Variants in INTS4 observed in about 807,000 individuals in gnomAD.
INTS4 encodes the protein MSTP093.
A neutral mutation model predicts 119.5 loss-of-function variants in INTS4; 70 were observed. That is an observed-to-expected ratio of 0.59 (90% CI 0.48 to 0.71). The LOEUF (loss-of-function observed/expected upper bound fraction) is 0.71. Ranked by LOEUF, INTS4 falls within the 30% of genes least tolerant of loss-of-function variation. The probability of loss-of-function intolerance (pLI) is 0.00; values close to 1 mark genes in which losing one functional copy is unlikely to be tolerated. For missense variants in INTS4, 867 were observed against 1,173.2 expected (o/e 0.74, Z 3.81); for synonymous variants, 316 against 419.6 (o/e 0.75, Z 3.02).
chr11:77,883,774 G>A, intron 22 of INTS4, 58 bp downstream of exon 22: 33 of 1,584,846 alleles, frequency 2.1e-5, no homozygotes, highest in Non-Finnish European at 2.8e-5. Context: ...AAACGCTTAA[G>A]GGTAGGTGTG....
chr11:77,881,222 A>ATTACTTTCT (rs1352508199), intron 22 of INTS4, among the ~76,000 whole-genome samples: 1 of 152,230 alleles, frequency 6.6e-6, no homozygotes, highest in Non-Finnish European at 1.5e-5. Context: ...TCTTAATGAG[A>ATTACTTTCT]CAGGGAAGTA....
chr11:77,947,546 A>G (rs193292828), intron 8 of INTS4, among the ~76,000 whole-genome samples: 1 of 152,238 alleles, frequency 6.6e-6, no homozygotes, highest in African/African-American at 2.4e-5. Context: ...AATCACTATC[A>G]TAAAAACACA....
At chr11:77,886,839 T>C (rs1229379558) in intron 21 of INTS4, among the ~76,000 whole-genome samples, 2 of 152,134 alleles carry the variant, frequency 1.3e-5, no homozygotes, top group Non-Finnish European at 2.9e-5. Flanking sequence ...AACCTGCTCC[T>C]GAATGACTAC....
intron 15 of INTS4, among the ~76,000 whole-genome samples, chr11:77,912,633 A>G (rs1953115132): frequency 6.6e-6 from 1 of 152,230 alleles, no homozygotes; most frequent in South Asian, 2.1e-4. Flanking sequence ...TAGAATCTCT[A>G]AAAATCAAAT....
chr11:77,982,024 CA>C (rs1237143227), intron 2 of INTS4, among the ~76,000 whole-genome samples: 1 of 152,064 alleles, frequency 6.6e-6, no homozygotes, highest in Non-Finnish European at 1.5e-5. Context: ...CAACTTGCAC[CA>C]ACAACTGGGT....
chr11:77,921,404 T>C lies in INTS4; in HGVS notation c.1700A>G (p.Asp567Gly). ...GTAGGCATAGTGCCTGAAGGTGTGA[T>C]CTGAGAACAATGCTGGCATTGTTGG... ...TCPTMPALFSDHTFRHYAYLR... is the reference protein window; with the variant it reads ...TCPTMPALFSGHTFRHYAYLR... The change falls in exon 14 of 23, where the codon GAT becomes GGT. Residue 567 changes from aspartate to glycine, a missense_variant. Asp to Gly is a moderately conservative substitution (Grantham distance 94). Transcript: ENST00000534064. The C allele has an allele frequency of 6.2e-7, 1 of 1,612,590 alleles. No individual in the cohort carries two copies. The highest frequency in any genetic ancestry group is 2.2e-5 in the East Asian group (1 of 44,868).
downstream of INTS4, chr11:77,877,112 C>T (rs992224602): frequency 2.9e-6 from 2 of 690,016 alleles, no homozygotes; most frequent in Non-Finnish European, 5.3e-6. Context: ...CCCTCTTTCG[C>T]ACTCATGACC....
At chr11:77,927,996 C>A (rs909426940) in intron 11 of INTS4, among the ~76,000 whole-genome samples, 13 of 152,228 alleles carry the variant, frequency 8.5e-5, no homozygotes, top group African/African-American at 2.2e-4. Context: ...CAGAGTGAGA[C>A]CCTGTCTCAA....
At chr11:77,936,101 T>C (rs1399041908) in intron 10 of INTS4, among the ~76,000 whole-genome samples, 1 of 151,586 alleles carries the variant, frequency 6.6e-6, no homozygotes, top group Non-Finnish European at 1.5e-5. Context: ...TCCAATAAAG[T>C]GAAATCTATA....
Position 77,924,772 on chromosome 11 carries a change from T to C in INTS4, c.1492A>G (p.Thr498Ala), listed in dbSNP as rs777210322. The part of the protein sequence containing the change: ...ELLKNLTKYP[T>A]DRDSIWKCLK... ...TACTTCCATATGGAGTCCCTATCAG[T>C]AGGGTACTTGGTTAAATTTTTCAGC... is the stretch of plus-strand genomic sequence containing the variant. The change falls in exon 12 of 23, where the codon ACT becomes GCT. Residue 498 changes from threonine (T) to alanine (A), a missense_variant. Physicochemically the swap from Thr to Ala is moderately conservative, Grantham distance 58 (BLOSUM62 0). Transcript: ENST00000534064. The C allele has an allele frequency of 1.2e-6, 2 of 1,609,660 alleles. No individual in the cohort carries two copies. The highest frequency in any genetic ancestry group is 1.7e-6 in the Non-Finnish European group (2 of 1,176,104).
intron 4 of INTS4, among the ~76,000 whole-genome samples, chr11:77,967,231 G>A (rs759807311): frequency 6.6e-6 from 1 of 152,132 alleles, no homozygotes; most frequent in Non-Finnish European, 1.5e-5. Flanking sequence ...GCATTTGGAG[G>A]TGGGGCCTTT....
chr11:77,969,466 G>A (rs1035338669), intron 4 of INTS4, among the ~76,000 whole-genome samples: 1 of 152,048 alleles, frequency 6.6e-6, no homozygotes, highest in Non-Finnish European at 1.5e-5. Flanking sequence ...TTGCAGCCTT[G>A]ACCTCCTGGG....
At chr11:77,982,820 G>A (rs1285877078) in intron 2 of INTS4, among the ~76,000 whole-genome samples, 1 of 152,178 alleles carries the variant, frequency 6.6e-6, no homozygotes, top group Admixed American at 6.6e-5. Flanking sequence ...AGGATAAGGT[G>A]CTTTTCAAAT....
chr11:77,963,325 G>A (rs1855328889), intron 4 of INTS4: 1 of 359,676 alleles, frequency 2.8e-6, no homozygotes, highest in Admixed American at 4.6e-5. Flanking sequence ...CTGCTTTTCT[G>A]GCCGGGCGCA....
downstream of INTS4, among the ~76,000 whole-genome samples, chr11:77,874,741 T>TAAGAC (rs919788974): frequency 6.6e-6 from 1 of 152,098 alleles, no homozygotes; most frequent in African/African-American, 2.4e-5. Context: ...CCTGAGTGGT[T>TAAGAC]AAGACAAGAA....
chr11:77,883,956 A>C lies in INTS4; in HGVS notation c.2593-4T>G, dbSNP rs1173779325. ...CCTGGCCATCTGGATATAAGACCTA[A>C]AGGGTGACAGAAATGAGAAAAAGGC... On this transcript the variant is annotated splice_region_variant and splice_polypyrimidine_tract_variant and intron_variant, in intron 21 of 22. Coordinates refer to ENST00000534064, the MANE Select transcript of INTS4 (RefSeq NM_033547.4). 1 of 1,612,262 alleles carries C rather than the reference A, an allele frequency of 6.2e-7. No individual in the cohort carries two copies. The highest frequency in any genetic ancestry group is 8.5e-7 in the Non-Finnish European group (1 of 1,179,122).
intron 10 of INTS4, among the ~76,000 whole-genome samples, chr11:77,933,983 C>T (rs1380376886): frequency 2.0e-5 from 3 of 151,984 alleles, no homozygotes; most frequent in East Asian, 3.9e-4. Context: ...ATGGAGGGGT[C>T]GGATTGTTGC....
chr11:77,934,655 G>A (rs981158422), intron 10 of INTS4, among the ~76,000 whole-genome samples: 2 of 152,046 alleles, frequency 1.3e-5, no homozygotes, highest in Non-Finnish European at 2.9e-5. Flanking sequence ...TTGTAGAAAC[G>A]AAACAAAGCA....
At position 77,903,624 on chromosome 11, in the gene INTS4, C is replaced by A; in HGVS notation, c.2017-4G>T. 6.2e-7 allele frequency: 1 copy of A among 1,612,158 alleles called. No individual in the cohort carries two copies. Among genetic ancestry groups the A allele is most frequent in the South Asian group, 1.1e-5 (1 of 90,812 alleles). On this transcript the variant is annotated splice_region_variant and splice_polypyrimidine_tract_variant and intron_variant, in intron 16 of 22. Coordinates refer to ENST00000534064, the MANE Select transcript of INTS4 (RefSeq NM_033547.4). ...TCCACAACTTTTCCTGCAAGGCCTA[C>A]GCAGACAAATCAGGAGGGAACAGAA... is the stretch of plus-strand genomic sequence containing the variant.
Sources: allele counts gnomAD v4.1 joint callset (sites outside exome capture counted in the v4.1 genomes callset), GRCh38; gene constraint gnomAD v4.1.1; transcripts MANE v1.5; gene names NCBI Gene and HGNC (gene_info 2026-07-23, HGNC 2026-07-21).